Variants in CD82 observed in about 807,000 individuals in gnomAD.
CD82 encodes the protein CD82 antigen.
Under a neutral mutation model 37.4 loss-of-function variants are expected in CD82, and 36 were observed. That is an observed-to-expected ratio of 0.96 (90% CI 0.74 to 1.27). The LOEUF (loss-of-function observed/expected upper bound fraction) is 1.27. Among genes scored for constraint, CD82 ranks in the 50% most tolerant of loss-of-function variants. CD82 has a pLI of 0.00. For synonymous variants in CD82, 158 were observed against 137.4 expected (o/e 1.15, Z -1.05); for missense variants, 340 against 347.0 (o/e 0.98, Z 0.16).
At chr11:44,588,180 T>C (rs1853086452) in intron 2 of CD82, among the ~76,000 whole-genome samples, 1 of 151,806 alleles carries the variant, frequency 6.6e-6, no homozygotes, top group Non-Finnish European at 1.5e-5. Flanking sequence ...ATTTAATGTC[T>C]GGACAAATCT....
chr11:44,594,971 A>C, intron 3 of CD82: 2 of 527,376 alleles, frequency 3.8e-6, no homozygotes, highest in Non-Finnish European at 6.9e-6. Flanking sequence ...AGATCACCCA[A>C]AGCCTGGGCT....
chr11:44,573,961 A>G (rs1852851403), intron 1 of CD82, among the ~76,000 whole-genome samples: 1 of 152,192 alleles, frequency 6.6e-6, no homozygotes, highest in Non-Finnish European at 1.5e-5. Context: ...CCAGAGGTTA[A>G]GGGTGGTGAT....
intron 3 of CD82, among the ~76,000 whole-genome samples, chr11:44,596,326 T>C (rs947827095): frequency 6.6e-6 from 1 of 152,248 alleles, no homozygotes; most frequent in African/African-American, 2.4e-5. Context: ...GGGCCAGGAC[T>C]CGGGGGAAGG....
At chr11:44,582,893 A>AG (rs1470599323) in intron 1 of CD82, among the ~76,000 whole-genome samples, 2 of 152,226 alleles carry the variant, frequency 1.3e-5, no homozygotes, top group African/African-American at 4.8e-5. Flanking sequence ...CTGAACAAAT[A>AG]GGTATACTTC....
rs1853623624 is a variant in CD82 at position 44,619,349 on chromosome 11, C to G, written c.*223C>G. On this transcript the variant is annotated 3_prime_UTR_variant, in exon 10 of 10. Transcript: ENST00000227155. ...TGTGGTTCCTCTGCTCACCGCCCAT[C>G]AGGGTTCTCTTAGCAACTCAGAGAA... is the stretch of plus-strand genomic sequence containing the variant. 3.6e-6 allele frequency: 2 copies of G among 559,440 alleles called. No homozygotes were observed. The highest frequency in any genetic ancestry group is 2.2e-5 in the South Asian group (1 of 45,786). 34.7% of individuals were successfully genotyped at this position (559,440 alleles called of 1,614,324 possible). A position where few individuals can be genotyped will look rare whatever the true frequency, so the allele number is the denominator to read the frequency against.
intron 1 of CD82, among the ~76,000 whole-genome samples, chr11:44,584,848 C>T (rs1049051223): frequency 1.3e-5 from 2 of 152,238 alleles, no homozygotes; most frequent in Admixed American, 1.3e-4. Context: ...CCAGCCTCTT[C>T]CCGTGGGTGA....
At chr11:44,577,652 T>C (rs575048180) in intron 1 of CD82, among the ~76,000 whole-genome samples, 271 of 152,300 alleles carry the variant, frequency 1.8e-3, no homozygotes, top group African/African-American at 6.4e-3. Context: ...CCTGGTTTCC[T>C]TCGTCGAAAA....
chr11:44,566,837 T>C (rs574542625), intron 1 of CD82, among the ~76,000 whole-genome samples: 1 of 152,188 alleles, frequency 6.6e-6, no homozygotes, highest in East Asian at 1.9e-4. Context: ...CAGCCCCTCC[T>C]GACCTTGTGA....
At chr11:44,608,972 G>GTTT in intron 6 of CD82, among the ~76,000 whole-genome samples, 1 of 152,334 alleles carries the variant, frequency 6.6e-6, no homozygotes, top group South Asian at 2.1e-4. Context: ...CATTGCCAGT[G>GTTT]TTTATTATTA....
chr11:44,585,203 A>G (rs1198934110), intron 1 of CD82: 1 of 456,248 alleles, frequency 2.2e-6, no homozygotes, highest in East Asian at 6.9e-5. Context: ...GGATGGGCAC[A>G]TGGCTAGAGA....
upstream of CD82, chr11:44,564,561 G>C (rs746452665): frequency 2.2e-6 from 1 of 452,768 alleles, no homozygotes; most frequent in Non-Finnish European, 4.4e-6. Flanking sequence ...GGGACGCAGG[G>C]TGGGCACCGC....
intron 9 of CD82, 123 bp from the exon 10 acceptor site, chr11:44,618,926 C>A: frequency 1.1e-6 from 1 of 925,782 alleles, no homozygotes; most frequent in Non-Finnish European, 1.7e-6. Context: ...GCCTGCATCA[C>A]AGGGTGGTTG....
In CD82 at chr11:44,579,737, C is replaced by A. The variant is rs540796462; in HGVS notation, c.-102-7738C>A. Among the ~76,000 whole-genome samples, 3 of 152,272 alleles carry A rather than the reference C, an allele frequency of 2.0e-5. No individual in the cohort carries two copies. In the South Asian group the frequency reaches 6.2e-4, roughly 32 times the overall value. Reference sequence around the variant, plus strand: ...CGCTTCCCTGCCTGGGAACCAGGGGCCCTCTGTGGGAAGCACAGCCCCTTT... The same window carrying A: ...CGCTTCCCTGCCTGGGAACCAGGGGACCTCTGTGGGAAGCACAGCCCCTTT... On this transcript the variant is annotated intron_variant, in intron 1 of 9. Transcript: ENST00000227155.
chr11:44,608,904 A>G lies in CD82; in HGVS notation c.336+3475A>G, dbSNP rs1022822327. Reference sequence around the variant, plus strand: ...TTGCAGCACTTCAGAGATGAAGAGCACTAACAAACGGGAAGGGCGTCGTGC... The same window carrying G: ...TTGCAGCACTTCAGAGATGAAGAGCGCTAACAAACGGGAAGGGCGTCGTGC... On this transcript the variant is annotated intron_variant, in intron 6 of 9. Transcript: ENST00000227155. Among the ~76,000 whole-genome samples, 23 of 152,270 alleles carry G rather than the reference A, an allele frequency of 1.5e-4. 1 individual carries two copies. Among genetic ancestry groups the G allele is most frequent in the Admixed American group, 6.5e-5 (1 of 15,292 alleles).
intron 1 of CD82, among the ~76,000 whole-genome samples, chr11:44,580,178 G>A (rs1445151201): frequency 2.0e-5 from 3 of 152,198 alleles, no homozygotes; most frequent in Admixed American, 6.5e-5. Flanking sequence ...CCAAGTTCTT[G>A]TAGTTAGAGA....
At chr11:44,616,191 G>A (rs1158396834) in intron 7 of CD82, among the ~76,000 whole-genome samples, 2 of 152,114 alleles carry the variant, frequency 1.3e-5, no homozygotes, top group Non-Finnish European at 1.5e-5. Context: ...CTGACTCAGC[G>A]GCACCAGGAG....
intron 6 of CD82, among the ~76,000 whole-genome samples, chr11:44,607,439 A>T (rs1853413892): frequency 6.6e-6 from 1 of 152,184 alleles, no homozygotes; most frequent in Non-Finnish European, 1.5e-5. Context: ...GTCCTATGGC[A>T]CTGAGCTTCT....
chr11:44,588,361 C>T (rs1163308120), intron 2 of CD82, among the ~76,000 whole-genome samples: 1 of 152,006 alleles, frequency 6.6e-6, no homozygotes, highest in Non-Finnish European at 1.5e-5. Context: ...GTAGCCGGGA[C>T]TGCAGGCACC....
intron 2 of CD82, among the ~76,000 whole-genome samples, chr11:44,590,619 A>AAAAAAAAAAAAAAAAAAAAAAAAAC (rs1853130584): frequency 6.8e-6 from 1 of 147,766 alleles, no homozygotes; most frequent in Non-Finnish European, 1.5e-5. Context: ...TCAAAAAAAA[A>AAAAAAAAAAAAAAAAAAAAAAAAAC]AAAAAAAAAA....
Sources: allele counts gnomAD v4.1 joint callset (sites outside exome capture counted in the v4.1 genomes callset), GRCh38; gene constraint gnomAD v4.1.1; transcripts MANE v1.5; gene names NCBI Gene and HGNC (gene_info 2026-07-23, HGNC 2026-07-21).